Variants in DMBT1 observed in about 807,000 individuals in gnomAD.
DMBT1 encodes deleted in malignant brain tumors 1, also known as scavenger receptor cysteine-rich domain-containing protein DMBT1.
A neutral mutation model predicts 252.9 loss-of-function variants in DMBT1; 198 were observed. That is an observed-to-expected ratio of 0.78 (90% CI 0.70 to 0.88). The LOEUF (loss-of-function observed/expected upper bound fraction) is 0.88. Among genes scored for constraint, DMBT1 ranks in the 40% least tolerant of loss-of-function variants. DMBT1 has a pLI of 0.00. For synonymous variants in DMBT1, 990 were observed against 942.7 expected, an observed-to-expected ratio of 1.05 and a Z score of -0.92; for missense variants, 2,432 against 2,404.7, an observed-to-expected ratio of 1.01 and a Z score of -0.24.
At chr10:122,588,313 G>A (rs1466075152) in intron 16 of DMBT1, among the ~76,000 whole-genome samples, 1 of 147,834 alleles carries the variant, frequency 6.8e-6, no homozygotes, top group East Asian at 2.1e-4. Flanking sequence ...TCTCTGGGGA[G>A]CCAGTCCTGC....
chr10:122,570,831 A>T (rs2097655048), intron 3 of DMBT1, 59 bp from the exon 4 acceptor site: 2 of 1,587,558 alleles, frequency 1.3e-6, no homozygotes, highest in Admixed American at 3.3e-5. Context: ...GAAGCCATGG[A>T]CCAACCCTCC....
chr10:122,630,832 C>A, intron 48 of DMBT1, 129 bp from the exon 49 acceptor site: 1 of 1,064,222 alleles, frequency 9.4e-7, no homozygotes, highest in Non-Finnish European at 1.3e-6. Context: ...TCCACCCCAG[C>A]TTTTCCACAT....
In DMBT1 at chr10:122,573,662, C is replaced by T. The variant is rs961831946; in HGVS notation, c.236-53C>T. 28 of 1,606,442 alleles carry T rather than the reference C, an allele frequency of 1.7e-5. No individual in the cohort carries two copies. In the Middle Eastern group the frequency reaches 1.8e-3, roughly 104 times the overall value. ...AGAGCTGAGCAAGCCCTGGACCAACCCTCCCCAAGCGAGGGCTACGATCAA... is the reference window on the plus strand; with the variant it reads ...AGAGCTGAGCAAGCCCTGGACCAACTCTCCCCAAGCGAGGGCTACGATCAA... On this transcript the variant is annotated intron_variant, in intron 5 of 55. Transcript: ENST00000338354.
At chr10:122,567,616 A>C (rs2981772) in intron 2 of DMBT1, among the ~76,000 whole-genome samples, 1 of 151,968 alleles carries the variant, frequency 6.6e-6, no homozygotes. Context: ...TCTGGCTCCT[A>C]CTGTCAGGAC....
At chr10:122,585,957 C>T in intron 15 of DMBT1, 103 bp from the exon 16 acceptor site, 2 of 1,551,342 alleles carry the variant, frequency 1.3e-6, no homozygotes, top group Non-Finnish European at 1.7e-6. Flanking sequence ...GACTGCCTGC[C>T]CAGGTGACTT....
intron 18 of DMBT1, 70 bp downstream of exon 18, chr10:122,590,764 C>T (rs1374245143): frequency 6.5e-7 from 1 of 1,532,114 alleles, no homozygotes; most frequent in Non-Finnish European, 8.9e-7. Flanking sequence ...TCCCATTCCA[C>T]AGAGCCCTCC....
Position 122,576,694 on chromosome 10 carries a change from T to A in DMBT1, c.579T>A (p.His193Gln). 6.2e-7 allele frequency: 1 copy of A among 1,613,724 alleles called. No homozygotes were observed. Among genetic ancestry groups the A allele is most frequent in the Non-Finnish European group, 8.5e-7 (1 of 1,179,712 alleles). ...HNGWLSHNCG[H>Q]GEDAGVICSA... is the part of the protein sequence containing the mutation. ...GCTGGCTCTCCCATAACTGTGGCCA[T>A]GGTGAAGATGCTGGTGTTATCTGCT... is the stretch of plus-strand genomic sequence containing the variant. Residue 193 changes from histidine (H) to glutamine (Q), a missense_variant, in exon 7 of 56, where the codon CAT (histidine) becomes CAA (glutamine). This residue lies in a region of DMBT1 where 1,264 missense variants were observed against 1,082.2 expected (regional missense o/e 1.17). Coordinates refer to ENST00000338354, the MANE Select transcript of DMBT1 (RefSeq NM_001377530.1).
chr10:122,573,658 C>T (rs1295705151), intron 5 of DMBT1, 57 bp from the exon 6 acceptor site: 1 of 1,599,642 alleles, frequency 6.3e-7, no homozygotes, highest in African/African-American at 1.3e-5. Flanking sequence ...AGCCCTGGAC[C>T]AACCCTCCCC....
rs370301704 is a variant in DMBT1, at chr10:122,601,007, A to T, written c.3327A>T (p.Ser1109=). 9 of 950,372 alleles carry T rather than the reference A, an allele frequency of 9.5e-6. No homozygotes were observed. The African/African-American group carries it at 1.3e-4, about 14-fold the overall frequency. 58.9% of individuals were successfully genotyped at this position (950,372 alleles called of 1,614,324 possible). Residue 1109 remains serine, a synonymous_variant, in exon 28 of 56, where the codon TCA becomes TCT. Transcript: ENST00000338354. ...PTPSPDTWPT[S]HASTAGSESS... is the part of the protein sequence containing the mutation. ...AATTTACAGACACTTGGCCAACCTC[A>T]CATGCATCAACAGCAGGTAAATAAT...
At chr10:122,624,394 G>A (rs748994389) in intron 44 of DMBT1, among the ~76,000 whole-genome samples, 5 of 152,192 alleles carry the variant, frequency 3.3e-5, no homozygotes, top group Admixed American at 1.3e-4. Flanking sequence ...ACAGGCTTCC[G>A]TCAATGTCTA....
At position 122,617,968 on chromosome 10, in the gene DMBT1, G is replaced by C. The variant is rs773994119; in HGVS notation, c.4892-49G>C. 2.5e-6 allele frequency: 4 copies of C among 1,602,726 alleles called. 1 individual carries two copies. The highest frequency in any genetic ancestry group is 4.7e-5 in the East Asian group (2 of 42,128). ...CTGAGTGTGGAACTTGCCTTAGATT[G>C]TTGACCTCCTGGTGGGGATGGATGA... On this transcript the variant is annotated intron_variant, in intron 40 of 55. Transcript: ENST00000338354.
In DMBT1 at chr10:122,600,042, CCTTCT is replaced by C. The variant is rs765951208; in HGVS notation, c.3281-13_3281-9del. 39 of 1,607,676 alleles carry C rather than the reference CCTTCT, an allele frequency of 2.4e-5. 2 individuals are homozygous for C. Among genetic ancestry groups the C allele is most frequent in the Non-Finnish European group, 3.1e-5 (37 of 1,178,088 alleles). On this transcript the variant is annotated splice_polypyrimidine_tract_variant and intron_variant, in intron 26 of 55. Coordinates refer to ENST00000338354, the MANE Select transcript of DMBT1 (RefSeq NM_001377530.1). ...CTTCTGTGTAATGTTCCTGATCTGA[CCTTCT>C]CTTCTCTTTCTCACAGCTTCCCAGT...
chr10:122,575,814 A>C (rs1360536967), intron 6 of DMBT1, among the ~76,000 whole-genome samples: 1 of 152,210 alleles, frequency 6.6e-6, no homozygotes, highest in Non-Finnish European at 1.5e-5. Flanking sequence ...GAAATCAGTC[A>C]GAATATGGTG....
At chr10:122,586,019 C>T (rs746559844) in intron 15 of DMBT1, 41 bp from the exon 16 acceptor site, 1 of 1,586,842 alleles carries the variant, frequency 6.3e-7, no homozygotes, top group East Asian at 2.3e-5. Flanking sequence ...TTCTTGACCT[C>T]ATGATAGGGA....
At chr10:122,560,918 G>A (rs2097540893) in intron 1 of DMBT1, 87 bp downstream of exon 1, 2 of 1,044,516 alleles carry the variant, frequency 1.9e-6, no homozygotes, top group Non-Finnish European at 2.8e-6. Flanking sequence ...CATTACAAGG[G>A]AAGTTTTATA....
chr10:122,568,365 G>A (rs573289162), intron 2 of DMBT1, among the ~76,000 whole-genome samples: 1 of 152,074 alleles, frequency 6.6e-6, no homozygotes, highest in African/African-American at 2.4e-5. Flanking sequence ...GTGGATTTGG[G>A]GGTCTTCTGG....
At position 122,589,282 on chromosome 10, in the gene DMBT1, A is replaced by G; in HGVS notation, c.2107+15A>G. On this transcript the variant is annotated intron_variant, in intron 17 of 55. Transcript: ENST00000338354. Reference sequence around the variant, plus strand: ...CATCTGCTCAGGTGGGCCTCCAGCAATTTTGGTTTCCTCTCTTGGGGTAGA... The same window carrying G: ...CATCTGCTCAGGTGGGCCTCCAGCAGTTTTGGTTTCCTCTCTTGGGGTAGA... 1 of 1,588,206 alleles carries G rather than the reference A, an allele frequency of 6.3e-7. No homozygotes were observed. Among genetic ancestry groups the G allele is most frequent in the Middle Eastern group, 1.7e-4 (1 of 6,020 alleles).
In DMBT1 at chr10:122,592,346, C is replaced by T. The variant is rs775863322; in HGVS notation, c.2251C>T (p.Arg751Ter). ...RCQGRVEVLY[R>*]GSWGTVCDDS... ...TCAGGGCCGAGTAGAGGTCCTATAC[C>T]GAGGCTCCTGGGGCACCGTGTGTGA... The change falls in exon 20 of 56, where the codon CGA (arginine) becomes TGA (stop). Residue 751 changes from arginine to a stop codon, truncating the protein, a stop_gained. Transcript: ENST00000338354. LOFTEE classifies it high-confidence loss of function. The T allele has an allele frequency of 2.6e-5, 41 of 1,587,926 alleles. 6 individuals are homozygous for T. Among genetic ancestry groups the T allele is most frequent in the East Asian group, 1.4e-4 (6 of 42,728 alleles).
In DMBT1 at chr10:122,635,941, G is replaced by A. The variant is rs372068701; in HGVS notation, c.6549-50G>A. On this transcript the variant is annotated intron_variant, in intron 52 of 55. Transcript: ENST00000338354. ...CCCACCCTGAGATCTGACCCCCTGCGTCAAATTCTGGGAGGAAATGAAGCC... is the reference window on the plus strand; with the variant it reads ...CCCACCCTGAGATCTGACCCCCTGCATCAAATTCTGGGAGGAAATGAAGCC... 233 of 1,602,276 alleles carry A rather than the reference G, an allele frequency of 1.5e-4. 1 individual carries two copies. Among genetic ancestry groups the A allele is most frequent in the African/African-American group, 8.6e-4 (64 of 74,798 alleles).
Sources: allele counts gnomAD v4.1 joint callset (sites outside exome capture counted in the v4.1 genomes callset), GRCh38; gene constraint gnomAD v4.1.1; regional missense constraint gnomAD v4.1.1; transcripts MANE v1.5; gene names NCBI Gene and HGNC (gene_info 2026-07-23, HGNC 2026-07-21).